LDB2: variants seen among roughly 807,000 people sequenced by gnomAD.
LDB2 encodes LIM domain-binding protein 2.
A neutral mutation model predicts 44.3 loss-of-function variants in LDB2; 12 were observed. That is an observed-to-expected ratio of 0.27 (90% confidence interval 0.17 to 0.44). LDB2 has a LOEUF of 0.44. LDB2 is among the 20% of genes least tolerant of loss of function. The pLI is 1.00. For missense variants in LDB2, 344 were observed against 473.5 expected (o/e 0.73, Z 2.54); for synonymous variants, 164 against 174.8 (o/e 0.94, Z 0.49).
At chr4:16,671,893 T>C (rs1270748430) in intron 2 of LDB2, among the ~76,000 whole-genome samples, 3 of 152,154 alleles carry the variant, frequency 2.0e-5, no homozygotes, top group Non-Finnish European at 2.9e-5. Context: ...GAAAGTGGGC[T>C]GCAGCTGAAT....
At chr4:16,724,890 G>C (rs1244574838) in intron 2 of LDB2, among the ~76,000 whole-genome samples, 2 of 152,196 alleles carry the variant, frequency 1.3e-5, no homozygotes, top group African/African-American at 4.8e-5. Context: ...TAGTCATTTA[G>C]TTAACTGATA....
intron 5 of LDB2, among the ~76,000 whole-genome samples, chr4:16,576,772 A>G (rs1287547760): frequency 1.3e-5 from 2 of 152,322 alleles, no homozygotes; most frequent in East Asian, 3.9e-4. Flanking sequence ...ACAAAGACAC[A>G]TCATAAAAAG....
At position 16,858,057 on chromosome 4, in the gene LDB2, ATTAT is replaced by A. The variant is rs368780349; in HGVS notation, c.132+40293_132+40296del. The stretch of plus-strand genomic sequence containing the variant: ...AGATTGATATTAATAATAATTACTG[ATTAT>A]TTGATTATTAAAATACAGCAAGTAA... On this transcript the variant is annotated intron_variant, in intron 1 of 7. Coordinates refer to ENST00000304523, the MANE Select transcript of LDB2 (RefSeq NM_001290.5). Among the ~76,000 whole-genome samples the A allele has an allele frequency of 1.4e-4, 21 of 152,304 alleles. No individual in the cohort carries two copies. The East Asian group carries it at 2.7e-3, about 20-fold the overall frequency.
chr4:16,594,279 C>T (rs759870771), intron 3 of LDB2, among the ~76,000 whole-genome samples: 6 of 152,066 alleles, frequency 3.9e-5, no homozygotes, highest in East Asian at 1.9e-4. Context: ...CTTACATGTC[C>T]GTCTGATCTA....
intron 1 of LDB2, among the ~76,000 whole-genome samples, chr4:16,767,831 AG>A (rs1430587858): frequency 6.6e-6 from 1 of 152,206 alleles, no homozygotes. Context: ...CCCATCTCAC[AG>A]GTGAACCCAA....
intron 2 of LDB2, among the ~76,000 whole-genome samples, chr4:16,598,630 T>G (rs960121083): frequency 3.3e-5 from 5 of 152,124 alleles, no homozygotes; most frequent in African/African-American, 4.8e-5. Context: ...TGCAGCCCCT[T>G]TCAACCACGC....
At chr4:16,652,773 C>T (rs1738673162) in intron 2 of LDB2, among the ~76,000 whole-genome samples, 3 of 152,270 alleles carry the variant, frequency 2.0e-5, no homozygotes, top group South Asian at 4.2e-4. Flanking sequence ...GGCTACTTCA[C>T]GGCAGTTGAT....
At chr4:16,795,017 T>A (rs757749599) in intron 1 of LDB2, among the ~76,000 whole-genome samples, 1 of 152,086 alleles carries the variant, frequency 6.6e-6, no homozygotes, top group African/African-American at 2.4e-5. Context: ...ATCAATAGAA[T>A]CAGTGCCTCT....
chr4:16,753,070 C>T (rs912780496), intron 2 of LDB2, among the ~76,000 whole-genome samples: 4 of 152,136 alleles, frequency 2.6e-5, no homozygotes, highest in East Asian at 1.9e-4. Flanking sequence ...AAAACACACA[C>T]GGGTCTTAAA....
rs552788326 is a variant in LDB2, at chr4:16,889,858, G to A, written c.132+8496C>T. On this transcript the variant is annotated intron_variant, in intron 1 of 7. Coordinates refer to ENST00000304523, the MANE Select transcript of LDB2 (RefSeq NM_001290.5). ...AGGCATGTGATAGAAAGTGATTGGG[G>A]GTTAATTTTAATTGTTTGAGGAAGG... is the stretch of plus-strand genomic sequence containing the variant. Among the ~76,000 whole-genome samples, 17 of 152,278 alleles carry A rather than the reference G, an allele frequency of 1.1e-4. No homozygotes were observed. In the East Asian group the frequency reaches 2.5e-3, roughly 22 times the overall value.
At chr4:16,865,275 C>G (rs191446655) in intron 1 of LDB2, among the ~76,000 whole-genome samples, 42 of 152,186 alleles carry the variant, frequency 2.8e-4, no homozygotes, top group African/African-American at 9.1e-4. Context: ...AACAAAGAGC[C>G]CATACCTAGA....
At chr4:16,814,146 A>T (rs1780470937) in intron 1 of LDB2, among the ~76,000 whole-genome samples, 1 of 152,198 alleles carries the variant, frequency 6.6e-6, no homozygotes, top group Admixed American at 6.5e-5. Context: ...TTGGGATTAC[A>T]GGCGTGAGCC....
At chr4:16,689,476 C>T (rs1750087219) in intron 2 of LDB2, among the ~76,000 whole-genome samples, 1 of 152,202 alleles carries the variant, frequency 6.6e-6, no homozygotes. Context: ...TATTTAACAG[C>T]CTGTGAGCTT....
At chr4:16,632,829 A>G (rs565524404) in intron 2 of LDB2, among the ~76,000 whole-genome samples, 2 of 152,316 alleles carry the variant, frequency 1.3e-5, no homozygotes, top group South Asian at 2.1e-4. Context: ...ACACTTTTAC[A>G]CTGTTGGTGG....
At chr4:16,578,862 A>T (rs1354886131) in intron 5 of LDB2, among the ~76,000 whole-genome samples, 1 of 152,242 alleles carries the variant, frequency 6.6e-6, no homozygotes, top group East Asian at 1.9e-4. Context: ...CTATTCAGTC[A>T]TATAAAAGAT....
intron 5 of LDB2, chr4:16,581,437 AT>A: frequency 2.0e-6 from 2 of 985,260 alleles, no homozygotes; most frequent in Non-Finnish European, 1.2e-6. Flanking sequence ...GAAAAAAAAA[AT>A]CTTTTGAATT....
intron 2 of LDB2, among the ~76,000 whole-genome samples, chr4:16,659,172 C>A (rs1740757579): frequency 6.6e-6 from 1 of 152,088 alleles, no homozygotes; most frequent in African/African-American, 2.4e-5. Flanking sequence ...GTATAAAGAC[C>A]AAGACTGTCC....
intron 2 of LDB2, among the ~76,000 whole-genome samples, chr4:16,597,646 G>T (rs931296640): frequency 9.2e-5 from 14 of 152,172 alleles, no homozygotes; most frequent in Admixed American, 2.6e-4. Context: ...AAATGCAGAT[G>T]TAGGCCAAAG....
At chr4:16,891,098 C>A (rs1355604390) in intron 1 of LDB2, among the ~76,000 whole-genome samples, 1 of 151,402 alleles carries the variant, frequency 6.6e-6, no homozygotes, top group Non-Finnish European at 1.5e-5. Context: ...ATTGTTTCCA[C>A]CAAAAAATGA....
Sources: allele counts gnomAD v4.1 joint callset (sites outside exome capture counted in the v4.1 genomes callset), GRCh38; gene constraint gnomAD v4.1.1; transcripts MANE v1.5; gene names NCBI Gene and HGNC (gene_info 2026-07-23, HGNC 2026-07-21).